SLC35D4: variants seen among roughly 807,000 people sequenced by gnomAD.
SLC35D4 encodes UDP-N-acetylglucosamine transporter SLC35D4.
chr18:23,286,838 A>G, the SLC35D4 span, among the ~76,000 whole-genome samples: 6 of 152,064 alleles, frequency 3.9e-5, no homozygotes, highest in Non-Finnish European at 8.8e-5. Context: ...TAACTAAATT[A>G]TCTGCTTCCC....
the SLC35D4 span, among the ~76,000 whole-genome samples, chr18:23,319,737 C>A: frequency 6.6e-6 from 1 of 152,180 alleles, no homozygotes; most frequent in Non-Finnish European, 1.5e-5. Context: ...CCGCGCCCTG[C>A]CTATTTCAGC....
At chr18:23,247,610 G>A in the SLC35D4 span, among the ~76,000 whole-genome samples, 1 of 152,250 alleles carries the variant, frequency 6.6e-6, no homozygotes, top group Non-Finnish European at 1.5e-5. Context: ...AGCCAGAGGA[G>A]CAAACGGAGG....
At chr18:23,253,998 AGAAGGATTCGGTCAGTGACCCTGCCTG>A in the SLC35D4 span, 4 of 1,445,964 alleles carry the variant, frequency 2.8e-6, no homozygotes, top group Non-Finnish European at 2.9e-6. Flanking sequence ...TTCCTCTCTC[AGAAGGATTCGGTCAGTGACCCTGCCTG>A]GAAGGATTCT....
chr18:23,405,120 A>C, the SLC35D4 span, among the ~76,000 whole-genome samples: 2 of 151,964 alleles, frequency 1.3e-5, no homozygotes, highest in African/African-American at 4.8e-5. Context: ...ACCAGTCATC[A>C]AATCTGCCAG....
the SLC35D4 span, among the ~76,000 whole-genome samples, chr18:23,244,013 A>T: frequency 5.3e-5 from 8 of 152,130 alleles, no homozygotes; most frequent in Admixed American, 4.6e-4. Flanking sequence ...ATATTGCAAC[A>T]TCTGCTCTCT....
At chr18:23,384,902 C>A in the SLC35D4 span, 2 of 1,168,620 alleles carry the variant, frequency 1.7e-6, no homozygotes, top group Non-Finnish European at 2.5e-6. Context: ...CAGGAAGAGG[C>A]AGACACTAAT....
At chr18:23,428,967 C>T in the SLC35D4 span, among the ~76,000 whole-genome samples, 3 of 152,110 alleles carry the variant, frequency 2.0e-5, no homozygotes. Context: ...TGTGTTAATT[C>T]ACTTAGGATA....
chr18:23,316,505 G>A, the SLC35D4 span, among the ~76,000 whole-genome samples: 10 of 152,064 alleles, frequency 6.6e-5, no homozygotes, highest in Non-Finnish European at 1.0e-4. Flanking sequence ...CCACAATCAG[G>A]GTAATTATTA....
At chr18:23,266,124 G>A in the SLC35D4 span, among the ~76,000 whole-genome samples, 14 of 152,238 alleles carry the variant, frequency 9.2e-5, no homozygotes, top group East Asian at 1.5e-3. Context: ...ATATGCAGCC[G>A]GAAGGGGCCA....
At chr18:23,277,515 G>A in the SLC35D4 span, among the ~76,000 whole-genome samples, 15,353 of 152,214 alleles carry the variant, frequency 0.1, 1,077 homozygotes, top group Middle Eastern at 0.26. Context: ...AGATGGCCTT[G>A]GCTGGGAGGA....
At chr18:23,361,103 CAAAAAAAAAAA>C in the SLC35D4 span, among the ~76,000 whole-genome samples, 3 of 94,110 alleles carry the variant, frequency 3.2e-5, no homozygotes, top group Admixed American at 1.3e-4. Context: ...GACTTTGTCT[CAAAAAAAAAAA>C]AAAAAAAAAA....
the SLC35D4 span, among the ~76,000 whole-genome samples, chr18:23,411,150 A>AGGAAGGAGGGAAGGAG: frequency 1.4e-5 from 2 of 140,910 alleles, no homozygotes; most frequent in Admixed American, 1.4e-4. Flanking sequence ...GAAGGAAGGA[A>AGGAAGGAGGGAAGGAG]GGAAGGAGGG....
At chr18:23,437,670 C>A in the SLC35D4 span, 1 of 1,166,570 alleles carries the variant, frequency 8.6e-7, no homozygotes, top group Non-Finnish European at 1.2e-6. Flanking sequence ...ATCTCCATCG[C>A]CACCAGGAAG....
the SLC35D4 span, among the ~76,000 whole-genome samples, chr18:23,414,666 C>T: frequency 6.6e-6 from 1 of 151,062 alleles, no homozygotes; most frequent in Non-Finnish European, 1.5e-5. Flanking sequence ...GAGCGAAACT[C>T]CATCTCAAAA....
the SLC35D4 span, among the ~76,000 whole-genome samples, chr18:23,317,746 C>CTT: frequency 6.9e-6 from 1 of 145,884 alleles, no homozygotes; most frequent in Non-Finnish European, 1.5e-5. Context: ...TGTTTCATTT[C>CTT]TTTTTTTTTT....
chr18:23,258,204 G>GTATT, the SLC35D4 span: 1 of 152,538 alleles, frequency 6.6e-6, no homozygotes, highest in African/African-American at 2.4e-5. Flanking sequence ...CCCGCCACGT[G>GTATT]TATTTAACCC....
At chr18:23,276,822 G>A in the SLC35D4 span, among the ~76,000 whole-genome samples, 1 of 152,188 alleles carries the variant, frequency 6.6e-6, no homozygotes, top group African/African-American at 2.4e-5. Flanking sequence ...AGGAGTGGTA[G>A]CCAAAGAGAC....
At chr18:23,395,046 A>C in the SLC35D4 span, among the ~76,000 whole-genome samples, 2 of 151,944 alleles carry the variant, frequency 1.3e-5, no homozygotes, top group African/African-American at 4.8e-5. Flanking sequence ...AGAGGGAGCA[A>C]GATGATAAGA....
the SLC35D4 span, among the ~76,000 whole-genome samples, chr18:23,250,301 G>A: frequency 6.6e-6 from 1 of 151,672 alleles, no homozygotes; most frequent in South Asian, 2.1e-4. Flanking sequence ...TAGAGGAAGA[G>A]TAGAAGCGGC....
Sources: gnomAD v4.1 joint callset for allele counts (sites outside exome capture counted in the v4.1 genomes callset) on GRCh38, gnomAD v4.1.1 for gene constraint, MANE v1.5 for transcripts, NCBI Gene and HGNC (gene_info 2026-07-23, HGNC 2026-07-21) for gene names.